Variants in ZNRF3 observed in about 807,000 individuals in gnomAD.
The protein encoded by ZNRF3 is E3 ubiquitin-protein ligase ZNRF3.
A neutral mutation model predicts 72.5 loss-of-function variants in ZNRF3; 23 were observed. The observed-to-expected ratio is 0.32, with a 90% CI of 0.23 to 0.45. The LOEUF is 0.45. Among genes scored for constraint, ZNRF3 ranks in the 20% least tolerant of loss-of-function variants. ZNRF3 has a pLI of 1.00. For synonymous variants in ZNRF3, 610 were observed against 545.3 expected, an observed-to-expected ratio of 1.12 and a Z score of -1.65; for missense variants, 1,169 against 1,272.1, an observed-to-expected ratio of 0.92 and a Z score of 1.23.
intron 1 of ZNRF3, among the ~76,000 whole-genome samples, chr22:28,887,235 AGT>A (rs1179478685): frequency 0.12 from 11,072 of 92,628 alleles, 658 homozygotes; most frequent in African/African-American, 0.26. Context: ...AGAGAGAGAG[AGT>A]GTGTGTGTGT....
intron 2 of ZNRF3, among the ~76,000 whole-genome samples, chr22:28,992,338 G>GA (rs2035971597): frequency 6.6e-6 from 1 of 152,052 alleles, no homozygotes; most frequent in African/African-American, 2.4e-5. Context: ...AGGATTCTGG[G>GA]CTATGTCACA....
chr22:28,964,240 A>G (rs543281808), intron 1 of ZNRF3, among the ~76,000 whole-genome samples: 1 of 152,328 alleles, frequency 6.6e-6, no homozygotes, highest in African/African-American at 2.4e-5. Context: ...GGGCAAGTCC[A>G]TGTTGTATGA....
intron 1 of ZNRF3, among the ~76,000 whole-genome samples, chr22:28,945,125 T>C (rs1019249395): frequency 6.9e-6 from 1 of 144,732 alleles, no homozygotes; most frequent in Non-Finnish European, 1.5e-5. Flanking sequence ...CAAGACCAGC[T>C]AGCAACAGAA....
chr22:28,983,900 G>A (rs1156723311), intron 1 of ZNRF3, among the ~76,000 whole-genome samples: 2 of 151,986 alleles, frequency 1.3e-5, no homozygotes, highest in Non-Finnish European at 2.9e-5. Context: ...TCCCTGTGAA[G>A]AGTTTCTCAG....
rs947138049 is a variant in ZNRF3, at chr22:29,030,909, C to T, written c.427-11586C>T. On this transcript the variant is annotated intron_variant, in intron 2 of 8. Coordinates refer to ENST00000544604, the MANE Select transcript of ZNRF3 (RefSeq NM_001206998.2). This position sits in a 1 kb window ranked among gnomAD's most constrained non-coding sequence, Gnocchi z 4.2. ...CGCTTTGATCTCCTGCCAGGGAAAC[C>T]TGGAAGGTCAGGCCGGGCTGCAGCC... Among the ~76,000 whole-genome samples, 5 of 152,176 alleles carry T rather than the reference C, an allele frequency of 3.3e-5. No homozygotes were observed. The highest frequency in any genetic ancestry group is 1.2e-4 in the African/African-American group (5 of 41,438).
intron 2 of ZNRF3, among the ~76,000 whole-genome samples, chr22:29,011,230 G>C (rs2036341120): frequency 6.6e-6 from 1 of 152,214 alleles, no homozygotes; most frequent in Non-Finnish European, 1.5e-5. Context: ...TGTGCAAGAA[G>C]AAATGCTGTT....
At chr22:29,023,763 C>T (rs1036089671) in intron 2 of ZNRF3, among the ~76,000 whole-genome samples, 1 of 152,212 alleles carries the variant, frequency 6.6e-6, no homozygotes, top group Non-Finnish European at 1.5e-5. Flanking sequence ...GGATTTGGCT[C>T]ATCAGTCTTT....
At chr22:29,040,197 T>G (rs1284573706) in intron 2 of ZNRF3, among the ~76,000 whole-genome samples, 3 of 151,888 alleles carry the variant, frequency 2.0e-5, no homozygotes, top group Non-Finnish European at 2.9e-5. Context: ...TTTTTTTTTT[T>G]GAGGCAGAGT....
chr22:29,039,213 C>T (rs540938044), intron 2 of ZNRF3, among the ~76,000 whole-genome samples: 4 of 152,304 alleles, frequency 2.6e-5, no homozygotes, highest in African/African-American at 7.2e-5. Flanking sequence ...CTCCACGTTC[C>T]GGGCGGAGCA....
intron 2 of ZNRF3, among the ~76,000 whole-genome samples, chr22:29,007,752 C>CTTTTTTTTTTTT (rs943507617): frequency 2.3e-5 from 1 of 43,676 alleles, no homozygotes; most frequent in Non-Finnish European, 5.3e-5. Context: ...CCATTTCTTC[C>CTTTTTTTTTTTT]TTTTTTTTTT....
At chr22:28,938,484 A>G (rs1286505335) in intron 1 of ZNRF3, among the ~76,000 whole-genome samples, 1 of 152,206 alleles carries the variant, frequency 6.6e-6, no homozygotes, top group African/African-American at 2.4e-5. Context: ...TATCTAACCT[A>G]GTTATCAAAA....
Position 29,049,148 on chromosome 22 carries a change from C to T in ZNRF3, c.1016-49C>T. On this transcript the variant is annotated intron_variant, in intron 7 of 8. Coordinates refer to ENST00000544604, the MANE Select transcript of ZNRF3 (RefSeq NM_001206998.2). The surrounding 1 kb of genome is among the most constrained non-coding windows in gnomAD (Gnocchi z 5.2). ...TTTTAAAAATCCCTTTAGCCTCTGACACCAGTATGCTCAGCCCTGCCTACT... is the reference window on the plus strand; with the variant it reads ...TTTTAAAAATCCCTTTAGCCTCTGATACCAGTATGCTCAGCCCTGCCTACT... 5 of 1,517,614 alleles carry T rather than the reference C, an allele frequency of 3.3e-6. No homozygotes were observed. 94.0% of individuals were successfully genotyped at this position (1,517,614 alleles called of 1,614,324 possible). A position where few individuals can be genotyped will look rare whatever the true frequency, so the allele number is the denominator to read the frequency against.
chr22:28,980,780 G>A (rs952006810), intron 1 of ZNRF3, among the ~76,000 whole-genome samples: 8 of 152,144 alleles, frequency 5.3e-5, no homozygotes, highest in Non-Finnish European at 1.2e-4. Flanking sequence ...CTCATTTCAA[G>A]CCATCCTTCC....
Position 29,038,916 on chromosome 22 carries a change from T to A in ZNRF3, c.427-3579T>A, listed in dbSNP as rs970166275. Among the ~76,000 whole-genome samples, 59 of 152,136 alleles carry A rather than the reference T, an allele frequency of 3.9e-4. 1 individual carries two copies. Among genetic ancestry groups the A allele is most frequent in the Admixed American group, 2.6e-3 (40 of 15,274 alleles). On this transcript the variant is annotated intron_variant, in intron 2 of 8. Coordinates refer to ENST00000544604, the MANE Select transcript of ZNRF3 (RefSeq NM_001206998.2). The stretch of plus-strand genomic sequence containing the variant: ...TAGATCCTGTGCCTTTGCCTGGTTG[T>A]ATTGGAAGTCAAGCTGTAAATGGAA...
intron 5 of ZNRF3, among the ~76,000 whole-genome samples, chr22:29,045,636 C>A (rs1423349419): frequency 6.6e-6 from 1 of 151,924 alleles, no homozygotes; most frequent in Non-Finnish European, 1.5e-5. Flanking sequence ...TTACAGGCAC[C>A]CGGCTAATTT....
chr22:28,910,589 A>G (rs1490553253), intron 1 of ZNRF3, among the ~76,000 whole-genome samples: 1 of 152,170 alleles, frequency 6.6e-6, no homozygotes, highest in Admixed American at 6.5e-5. Context: ...TGGATGTGGC[A>G]CTGAATATTT....
intron 1 of ZNRF3, among the ~76,000 whole-genome samples, chr22:28,978,806 T>C (rs368509368): frequency 2.6e-5 from 4 of 152,218 alleles, no homozygotes; most frequent in African/African-American, 7.2e-5. Flanking sequence ...CTGTAACTCT[T>C]ATAGTCAATT....
intron 1 of ZNRF3, among the ~76,000 whole-genome samples, chr22:28,908,525 C>T (rs922947310): frequency 7.2e-5 from 11 of 152,142 alleles, no homozygotes; most frequent in Non-Finnish European, 1.6e-4. Context: ...CCACTGGGGC[C>T]TGTACGTGGT....
At chr22:29,034,847 C>T (rs115074226) in intron 2 of ZNRF3, among the ~76,000 whole-genome samples, 3,942 of 152,208 alleles carry the variant, frequency 0.026, 82 homozygotes, top group African/African-American at 0.057. Context: ...GGGTCTGTGA[C>T]CACGCTTGCT....
Sources: gnomAD v4.1 joint callset for allele counts (sites outside exome capture counted in the v4.1 genomes callset) on GRCh38, gnomAD v4.1.1 for gene constraint, Gnocchi (gnomAD v3.1) non-coding constraint, MANE v1.5 for transcripts, NCBI Gene and HGNC (gene_info 2026-07-23, HGNC 2026-07-21) for gene names.